The following PEDS1 variants were observed in gnomAD, a reference collection of about 807,000 sequenced individuals.
The protein encoded by PEDS1 is plasmanylethanolamine desaturase 1.
PEDS1 carries 14 observed loss-of-function variants against 35.2 expected under a neutral mutation model. That is an observed-to-expected ratio of 0.40 (90% CI 0.26 to 0.62). PEDS1 has a LOEUF of 0.62. PEDS1 is among the 20% of genes least tolerant of loss of function. PEDS1 has a pLI of 0.44. For synonymous variants in PEDS1, 152 were observed against 152.0 expected, an observed-to-expected ratio of 1.00 and a Z score of 0.00; for missense variants, 260 against 367.8, an observed-to-expected ratio of 0.71 and a Z score of 2.40.
rs2147260618 is a variant in PEDS1 at position 50,121,284 on chromosome 20, A to G, written c.*3774T>C. ...ATGCTGCAGTTGCCTCATAGTGGAC[A>G]CATTTCTCACGTGCCACCTGTCTCA... is the stretch of plus-strand genomic sequence containing the variant. On this transcript the variant is annotated 3_prime_UTR_variant, in exon 6 of 6. Coordinates refer to ENST00000371652, the MANE Select transcript of PEDS1 (RefSeq NM_199129.4). 6.6e-6 allele frequency: 1 copy of G among 152,358 alleles called. No homozygotes were observed. The allele number at this position is 152,358 out of a possible 1,614,324, so 9.4% of individuals were successfully genotyped here. A position where few individuals can be genotyped will look rare whatever the true frequency, so the allele number is the denominator to read the frequency against.
intron 1 of PEDS1, among the ~76,000 whole-genome samples, chr20:50,145,811 T>C (rs1038287224): frequency 6.6e-6 from 1 of 152,172 alleles, no homozygotes; most frequent in African/African-American, 2.4e-5. Flanking sequence ...ACAACAATTT[T>C]ATCATGGGTG....
In PEDS1 at chr20:50,153,705, C is replaced by G. The variant is rs1316586781; in HGVS notation, c.-68G>C. On this transcript the variant is annotated 5_prime_UTR_variant, in exon 1 of 6. Coordinates refer to ENST00000371652, the MANE Select transcript of PEDS1 (RefSeq NM_199129.4). The stretch of plus-strand genomic sequence containing the variant: ...CGGCGGCAGGGCCGCGGAACCGCGG[C>G]GAGATCACGCCGCCCAATGACCGCC... The G allele has an allele frequency of 2.7e-5, 31 of 1,162,194 alleles. No homozygotes were observed. The highest frequency in any genetic ancestry group is 3.3e-5 in the Non-Finnish European group (31 of 944,088). The allele number at this position is 1,162,194 out of a possible 1,614,324, so 72.0% of individuals were successfully genotyped here.
chr20:50,151,279 G>C, intron 1 of PEDS1: 1 of 1,304,344 alleles, frequency 7.7e-7, no homozygotes, highest in Non-Finnish European at 1.0e-6. Flanking sequence ...TGCAGACTCT[G>C]ATTCAGGCAT....
intron 1 of PEDS1, among the ~76,000 whole-genome samples, chr20:50,148,271 A>G (rs2081366846): frequency 6.6e-6 from 1 of 152,168 alleles, no homozygotes; most frequent in African/African-American, 2.4e-5. Context: ...AAGTCACTTG[A>G]GGGTCACCAA....
intron 1 of PEDS1, among the ~76,000 whole-genome samples, chr20:50,152,265 G>C (rs2081412264): frequency 6.6e-6 from 1 of 152,214 alleles, no homozygotes; most frequent in African/African-American, 2.4e-5. Context: ...TTAAGGAAGA[G>C]ACGGCATGGA....
At chr20:50,148,674 T>C (rs1006932992) in intron 1 of PEDS1, among the ~76,000 whole-genome samples, 4 of 152,002 alleles carry the variant, frequency 2.6e-5, no homozygotes, top group African/African-American at 4.8e-5. Context: ...CCAAATAAGC[T>C]GGACTTCTGA....
At chr20:50,135,143 C>G (rs1332374080) in intron 2 of PEDS1, among the ~76,000 whole-genome samples, 1 of 152,150 alleles carries the variant, frequency 6.6e-6, no homozygotes, top group Non-Finnish European at 1.5e-5. Context: ...AGAGCTCGTG[C>G]CACTGCACTC....
chr20:50,153,535 C>A lies in PEDS1; in HGVS notation c.103G>T (p.Ala35Ser). ...GTCTTACCTGGCGAGTAGAGCGCAG[C>A]CAGCTCGCGGGCCCCGGCGTGCTGC... ...GAQHAGAREL[A>S]ALYSPGKRLQ... Residue 35 changes from alanine to serine, a missense_variant, in exon 1 of 6, where the codon GCT becomes TCT. Coordinates refer to ENST00000371652, the MANE Select transcript of PEDS1 (RefSeq NM_199129.4). 1 of 1,425,842 alleles carries A rather than the reference C, an allele frequency of 7.0e-7. No homozygotes were observed. 88.3% of individuals were successfully genotyped at this position (1,425,842 alleles called of 1,614,324 possible).
At chr20:50,141,378 T>C (rs1169755416) in intron 2 of PEDS1, among the ~76,000 whole-genome samples, 2 of 152,264 alleles carry the variant, frequency 1.3e-5, no homozygotes, top group Non-Finnish European at 2.9e-5. Flanking sequence ...GTGATTAAAC[T>C]GACCAGCGAG....
At position 50,121,343 on chromosome 20, in the gene PEDS1, G is replaced by A. The variant is rs2081049227; in HGVS notation, c.*3715C>T. ...TCCACAATGGGAGCGTTAAAGCACAGGGGCTTTGGGTCAGACGCTGGCTCA... is the reference window on the plus strand; with the variant it reads ...TCCACAATGGGAGCGTTAAAGCACAAGGGCTTTGGGTCAGACGCTGGCTCA... On this transcript the variant is annotated 3_prime_UTR_variant, in exon 6 of 6. Transcript: ENST00000371652. 1 of 152,262 alleles carries A rather than the reference G, an allele frequency of 6.6e-6. No individual in the cohort carries two copies. The highest frequency in any genetic ancestry group is 1.5e-5 in the Non-Finnish European group (1 of 68,070). The allele number at this position is 152,262 out of a possible 1,614,324, so 9.4% of individuals were successfully genotyped here.
In PEDS1 at chr20:50,143,545, C is replaced by G; in HGVS notation, c.198G>C (p.Leu66=). The change falls in exon 2 of 6, where the codon CTG becomes CTC. Residue 66 remains leucine, a synonymous_variant. Coordinates refer to ENST00000371652, the MANE Select transcript of PEDS1 (RefSeq NM_199129.4). ...GGGGTGTGTCCTCCCAGCGGGCCAG[C>G]AGCAGGAGATGGACCAGGTTGTGGG... ...LIAHNLVHLL[L]LARWEDTPLV... The G allele has an allele frequency of 6.2e-7, 1 of 1,613,510 alleles. No individual in the cohort carries two copies. The highest frequency in any genetic ancestry group is 8.5e-7 in the Non-Finnish European group (1 of 1,179,850).
intron 5 of PEDS1, 128 bp from the exon 6 acceptor site, chr20:50,125,307 G>T: frequency 7.8e-7 from 1 of 1,282,690 alleles, no homozygotes; most frequent in South Asian, 1.5e-5. Context: ...AGGACACAGG[G>T]ACCGGCCAAG....
Position 50,129,268 on chromosome 20 carries a change from T to G in PEDS1, c.478+278A>C, listed in dbSNP as rs1351660056. On this transcript the variant is annotated intron_variant, in intron 4 of 5. Transcript: ENST00000371652. This position sits in a 1 kb window ranked among gnomAD's most constrained non-coding sequence, Gnocchi z 4.2. ...AGGAATAGTGGGGACGGTGGTAAAC[T>G]GGAAAGACGCGTCCTGTCAAAGGCA... is the stretch of plus-strand genomic sequence containing the variant. Among the ~76,000 whole-genome samples the G allele has an allele frequency of 6.6e-6, 1 of 152,012 alleles. No homozygotes were observed. The highest frequency in any genetic ancestry group is 2.1e-4 in the South Asian group (1 of 4,826).
chr20:50,135,580 C>G (rs1280647381), intron 2 of PEDS1, among the ~76,000 whole-genome samples: 3 of 145,252 alleles, frequency 2.1e-5, no homozygotes, highest in Non-Finnish European at 4.5e-5. Flanking sequence ...ATCACTTGAA[C>G]CCAGAAGGTA....
Position 50,133,736 on chromosome 20 carries a change from G to A in PEDS1, c.242-2789C>T, listed in dbSNP as rs575135523. 2.0e-5 allele frequency among the ~76,000 whole-genome samples: 3 copies of A among 152,336 alleles called. No homozygotes were observed. The South Asian group carries it at 6.2e-4, about 32-fold the overall frequency. ...CCCTTCTGGCTAAAGCCATCCTTCC[G>A]GGCAGTTGCTCTCGCTCACATCTCC... is the stretch of plus-strand genomic sequence containing the variant. On this transcript the variant is annotated intron_variant, in intron 2 of 5. Transcript: ENST00000371652.
Position 50,122,652 on chromosome 20 carries a change from A to G in PEDS1, c.*2406T>C, listed in dbSNP as rs1018718000. 7 of 152,288 alleles carry G rather than the reference A, an allele frequency of 4.6e-5. No homozygotes were observed. The highest frequency in any genetic ancestry group is 3.3e-4 in the Admixed American group (5 of 15,298). 9.4% of individuals were successfully genotyped at this position (152,288 alleles called of 1,614,324 possible). A position where few individuals can be genotyped will look rare whatever the true frequency, so the allele number is the denominator to read the frequency against. Reference sequence around the variant, plus strand: ...TCCTTTAGGCATTTCCCTGTCCCCAACAGGCTTTCTTTTTTCTGGCTAATA... The same window carrying G: ...TCCTTTAGGCATTTCCCTGTCCCCAGCAGGCTTTCTTTTTTCTGGCTAATA... On this transcript the variant is annotated 3_prime_UTR_variant, in exon 6 of 6. Coordinates refer to ENST00000371652, the MANE Select transcript of PEDS1 (RefSeq NM_199129.4).
At chr20:50,143,162 G>A (rs1251142570) in intron 2 of PEDS1, among the ~76,000 whole-genome samples, 4 of 152,158 alleles carry the variant, frequency 2.6e-5, no homozygotes, top group East Asian at 1.9e-4. Flanking sequence ...CAGCCCAGGC[G>A]GGAGAGGATG....
chr20:50,142,875 G>C (rs1262595165), intron 2 of PEDS1, among the ~76,000 whole-genome samples: 1 of 152,074 alleles, frequency 6.6e-6, no homozygotes. Flanking sequence ...ACATGCAAAA[G>C]CCCTGAAGTA....
chr20:50,139,683 T>TA (rs2081273266), intron 2 of PEDS1, among the ~76,000 whole-genome samples: 1 of 150,534 alleles, frequency 6.6e-6, no homozygotes, highest in East Asian at 1.9e-4. Context: ...TTCTTTCTTT[T>TA]TTTTTTTTTT....
Sources: allele counts gnomAD v4.1 joint callset (sites outside exome capture counted in the v4.1 genomes callset), GRCh38; gene constraint gnomAD v4.1.1; non-coding constraint Gnocchi (gnomAD v3.1); transcripts MANE v1.5; gene names NCBI Gene and HGNC (gene_info 2026-07-23, HGNC 2026-07-21).